The following NDRG2 variants were observed in gnomAD, a reference collection of about 807,000 sequenced individuals.
NDRG2 encodes the protein NDRG family member 2, also known as protein NDRG2.
A neutral mutation model predicts 58.2 loss-of-function variants in NDRG2; 34 were observed. The ratio of observed to expected loss-of-function variants is 0.58; its 90% confidence interval spans 0.44 to 0.78. NDRG2 has a LOEUF of 0.78. Ranked by LOEUF, NDRG2 falls within the 30% of genes least tolerant of loss-of-function variation. The probability of loss-of-function intolerance (pLI) is 0.00; values close to 1 mark genes in which losing one functional copy is unlikely to be tolerated. For missense variants in NDRG2, 434 were observed against 471.2 expected (o/e 0.92, Z 0.73); for synonymous variants, 187 against 175.9 (o/e 1.06, Z -0.50).
chr14:21,038,400 T>A (rs1460595992), intron 1 of NDRG2, among the ~76,000 whole-genome samples: 1 of 152,152 alleles, frequency 6.6e-6, no homozygotes, highest in Non-Finnish European at 1.5e-5. Context: ...AAATAACCAG[T>A]GATTCAAGGC....
In NDRG2 at chr14:21,019,284, G is replaced by A. The variant is rs1350051835; in HGVS notation, c.717-124C>T. 2.1e-5 allele frequency: 20 copies of A among 969,586 alleles called. No homozygotes were observed. The South Asian group carries it at 2.7e-4, about 13-fold the overall frequency. The allele number at this position is 969,586 out of a possible 1,614,324, so 60.1% of individuals were successfully genotyped here. ...TTACGGTCAAATCTTGGTTATTAAA[G>A]GTGGAAACCAAAGGAGAAAGGGGCA... On this transcript the variant is annotated intron_variant, in intron 10 of 15. Transcript: ENST00000556147.
intron 1 of NDRG2, among the ~76,000 whole-genome samples, chr14:21,065,448 A>G (rs1886212530): frequency 6.6e-6 from 1 of 152,190 alleles, no homozygotes; most frequent in Non-Finnish European, 1.5e-5. Flanking sequence ...TAGCTGAAAA[A>G]GCAGTGACAA....
chr14:21,030,740 G>A (rs1273189520), upstream of NDRG2: 1 of 1,613,898 alleles, frequency 6.2e-7, no homozygotes, highest in Non-Finnish European at 8.5e-7. Flanking sequence ...TGGACATCGT[G>A]TTCAGCAAAG....
chr14:21,027,885 A>G (rs1883802955), upstream of NDRG2, among the ~76,000 whole-genome samples: 1 of 152,196 alleles, frequency 6.6e-6, no homozygotes, highest in Admixed American at 6.5e-5. Context: ...AGTGAGGGGC[A>G]TTCTATCCAG....
At position 21,019,128 on chromosome 14, in the gene NDRG2, T is replaced by C. The variant is rs926846888; in HGVS notation, c.749A>G (p.Asp250Gly). 6.2e-7 allele frequency: 1 copy of C among 1,611,098 alleles called. No individual in the cohort carries two copies. Among genetic ancestry groups the C allele is most frequent in the Non-Finnish European group, 8.5e-7 (1 of 1,179,066 alleles). The change falls in exon 11 of 16, where the codon GAT becomes GGT. Residue 250 changes from aspartate to glycine, a missense_variant. Transcript: ENST00000556147. The part of the protein sequence containing the change: ...RRDLNFERGG[D>G]ITLRCPVMLV... ...CTTAAAGTCTTACCTGAGGGTGATA[T>C]CACCTCCACGCTCAAAGTTCAGGTC...
chr14:21,051,647 T>C (rs893242931), intron 1 of NDRG2, among the ~76,000 whole-genome samples: 10 of 151,946 alleles, frequency 6.6e-5, no homozygotes, highest in East Asian at 5.8e-4. Flanking sequence ...AAAAGAAAAA[T>C]GGACCTGGCA....
intron 1 of NDRG2, among the ~76,000 whole-genome samples, chr14:21,063,577 C>T (rs1183497939): frequency 6.6e-6 from 1 of 152,056 alleles, no homozygotes; most frequent in Admixed American, 6.6e-5. Context: ...AAGTTTTATC[C>T]GCTGCTTGGC....
Position 21,024,086 on chromosome 14 carries a change from G to A in NDRG2, c.-63C>T. 1.0e-6 allele frequency: 1 copy of A among 985,494 alleles called. No individual in the cohort carries two copies. The highest frequency in any genetic ancestry group is 1.2e-6 in the Non-Finnish European group (1 of 829,976). The allele number at this position is 985,494 out of a possible 1,614,324, so 61.0% of individuals were successfully genotyped here. On this transcript the variant is annotated 5_prime_UTR_variant, in exon 1 of 16. It introduces an in-frame stop codon into an upstream open reading frame of the 5' UTR. Transcript: ENST00000556147. ...AGGGGTCAGGGTTCTCACTCCTTCT[G>A]ACTCTGGGGTCTGAGAAAACACAGC...
intron 1 of NDRG2, chr14:21,058,294 C>G (rs1885775723): frequency 1.2e-6 from 2 of 1,614,066 alleles, no homozygotes; most frequent in East Asian, 4.5e-5. Context: ...TGGCCTGTGA[C>G]CCTCCACAAC....
chr14:21,021,637 T>C lies in NDRG2; in HGVS notation c.407+180A>G, dbSNP rs1409451929. On this transcript the variant is annotated intron_variant, in intron 6 of 15. Transcript: ENST00000556147. ...CCCATTAGGGCTATTCTGTTGACTC[T>C]GGCCAATTTTCCAAACCCACCACCT... is the stretch of plus-strand genomic sequence containing the variant. 5.8e-6 allele frequency: 4 copies of C among 686,242 alleles called. No individual in the cohort carries two copies. The Admixed American group carries it at 1.1e-4, about 18-fold the overall frequency. The allele number at this position is 686,242 out of a possible 1,614,324, so 42.5% of individuals were successfully genotyped here.
intron 10 of NDRG2, 90 bp downstream of exon 10, chr14:21,019,549 G>T: frequency 1.2e-6 from 1 of 845,978 alleles, no homozygotes; most frequent in Non-Finnish European, 1.9e-6. Context: ...ACACTACCCA[G>T]ACTTCCCTCT....
chr14:21,020,055 G>C lies in NDRG2; in HGVS notation c.556-79C>G, dbSNP rs1278159381. ...TCACGTCTGTAATCCCAGCACTTTGGGAGGCCGAGGCGGGTGGATCACGAG... is the reference window on the plus strand; with the variant it reads ...TCACGTCTGTAATCCCAGCACTTTGCGAGGCCGAGGCGGGTGGATCACGAG... On this transcript the variant is annotated intron_variant, in intron 8 of 15. Transcript: ENST00000556147. 8.9e-6 allele frequency: 12 copies of C among 1,349,506 alleles called. No individual in the cohort carries two copies. In the Admixed American group the frequency reaches 1.1e-4, roughly 12 times the overall value. 83.6% of individuals were successfully genotyped at this position (1,349,506 alleles called of 1,614,324 possible).
chr14:21,024,760 G>T lies in NDRG2; in HGVS notation c.-737C>A. The T allele has an allele frequency of 8.1e-6, 8 of 985,530 alleles. No individual in the cohort carries two copies. The highest frequency in any genetic ancestry group is 8.4e-6 in the Non-Finnish European group (7 of 830,020). The allele number at this position is 985,530 out of a possible 1,614,324, so 61.0% of individuals were successfully genotyped here. ...CAGCACCCGGAACCCGTCCCTACGA[G>T]TCCCTACGCAGCCCGTCCGCGTGGA... On this transcript the variant is annotated 5_prime_UTR_variant, in exon 1 of 16. Transcript: ENST00000556147.
Position 21,019,732 on chromosome 14 carries a change from G to A in NDRG2, c.623C>T (p.Ser208Phe). ...CTTTTGTATCAACTCAGAATTTCCAGAGAGCTCTTCCTGAAGGAGAGAACA... is the reference window on the plus strand; with the variant it reads ...CTTTTGTATCAACTCAGAATTTCCAAAGAGCTCTTCCTGAAGGAGAGAACA... ...LGHLFSQEEL[S>F]GNSELIQKYR... The change falls in exon 10 of 16, where the codon TCT (serine) becomes TTT (phenylalanine). Residue 208 changes from serine to phenylalanine, a missense_variant. Transcript: ENST00000556147. The A allele has an allele frequency of 6.2e-7, 1 of 1,611,580 alleles. No individual in the cohort carries two copies. Among genetic ancestry groups the A allele is most frequent in the Non-Finnish European group, 8.5e-7 (1 of 1,177,776 alleles).
chr14:21,031,655 C>T (rs1447234412), intron 1 of NDRG2, among the ~76,000 whole-genome samples: 2 of 152,082 alleles, frequency 1.3e-5, no homozygotes, highest in African/African-American at 2.4e-5. Context: ...AAAACCTACC[C>T]TCCCTCTGCA....
chr14:21,020,620 C>T lies in NDRG2; in HGVS notation c.469-38G>A, dbSNP rs41310846. 8.8e-4 allele frequency: 1,412 copies of T among 1,603,774 alleles called. 3 individuals carry two copies. Among genetic ancestry groups the T allele is most frequent in the Middle Eastern group, 2.0e-3 (11 of 5,542 alleles). On this transcript the variant is annotated intron_variant, in intron 7 of 15. Transcript: ENST00000556147. ...AGAAGGAAGGAAATGAGAAACAGGGCATGGCCTTATCCCCTCCCCGCTAAG... is the reference window on the plus strand; with the variant it reads ...AGAAGGAAGGAAATGAGAAACAGGGTATGGCCTTATCCCCTCCCCGCTAAG...
At chr14:21,065,522 CTATTA>C (rs1394354589) in intron 1 of NDRG2, among the ~76,000 whole-genome samples, 2 of 152,130 alleles carry the variant, frequency 1.3e-5, no homozygotes, top group Non-Finnish European at 2.9e-5. Flanking sequence ...AAAGGTGAGT[CTATTA>C]TGATAGACAG....
Position 21,016,910 on chromosome 14 carries a change from C to T in NDRG2, c.*686G>A, listed in dbSNP as rs1397137456. On this transcript the variant is annotated 3_prime_UTR_variant, in exon 16 of 16. Coordinates refer to ENST00000556147, the MANE Select transcript of NDRG2 (RefSeq NM_001320329.2). ...CAAGCCCCAAGCAGCCCAGCCCAAG[C>T]TTAGCTCCCTCCCCAGTCCCACTCT... is the stretch of plus-strand genomic sequence containing the variant. 1 of 456,678 alleles carries T rather than the reference C, an allele frequency of 2.2e-6. No homozygotes were observed. The highest frequency in any genetic ancestry group is 4.4e-6 in the Non-Finnish European group (1 of 226,804). 28.3% of individuals were successfully genotyped at this position (456,678 alleles called of 1,614,324 possible). A position where few individuals can be genotyped will look rare whatever the true frequency, so the allele number is the denominator to read the frequency against.
intron 6 of NDRG2, 116 bp downstream of exon 6, chr14:21,021,701 T>C (rs1880460165): frequency 9.1e-7 from 1 of 1,097,204 alleles, no homozygotes; most frequent in Admixed American, 2.2e-5. Context: ...AGGAAGAAGA[T>C]ATATTGAGTT....
Sources: allele counts gnomAD v4.1 joint callset (sites outside exome capture counted in the v4.1 genomes callset), GRCh38; gene constraint gnomAD v4.1.1; transcripts MANE v1.5; gene names NCBI Gene and HGNC (gene_info 2026-07-23, HGNC 2026-07-21).